Variants in PCDHGB6 observed in about 807,000 individuals in gnomAD.
PCDHGB6 encodes protocadherin gamma-B6.
In PCDHGB6, 51 loss-of-function variants were observed where a neutral mutation model predicts 59.1. That is an observed-to-expected ratio of 0.86 (90% CI 0.69 to 1.09). The LOEUF is 1.09. PCDHGB6 is among the 50% of genes least tolerant of loss of function. The pLI, the probability that PCDHGB6 is intolerant of heterozygous loss-of-function variation, is 0.00. For synonymous variants in PCDHGB6, 466 were observed against 495.1 expected (o/e 0.94, Z 0.78); for missense variants, 1,148 against 1,205.1 (o/e 0.95, Z 0.70).
In PCDHGB6 at chr5:141,477,556, T is replaced by C. The variant is rs2099412953; in HGVS notation, c.2419-17251T>C. On this transcript the variant is annotated intron_variant, in intron 1 of 3. Transcript: ENST00000520790. The surrounding 1 kb of genome is among the most constrained non-coding windows in gnomAD (Gnocchi z 4.9). The stretch of plus-strand genomic sequence containing the variant: ...CCGGGGCTCCAATACTAAACCTAAG[T>C]GTCTGGGACCCCGACGCCCCGCAGA... 6.2e-7 allele frequency: 1 copy of C among 1,614,164 alleles called. No homozygotes were observed. The highest frequency in any genetic ancestry group is 1.1e-5 in the South Asian group (1 of 91,086).
rs1317111249 is a variant in PCDHGB6, at chr5:141,413,333, C to A, written c.2418+2713C>A. 3.1e-6 allele frequency: 5 copies of A among 1,613,966 alleles called. No individual in the cohort carries two copies. The Admixed American group carries it at 6.7e-5, about 22-fold the overall frequency. On this transcript the variant is annotated intron_variant, in intron 1 of 3. Coordinates refer to ENST00000520790, the MANE Select transcript of PCDHGB6 (RefSeq NM_018926.3). ...AAAGGCTCTTTCGTGGGCAACATCTCCAAGGACTTGGGTCTGGCGCCCCGG... is the reference window on the plus strand; with the variant it reads ...AAAGGCTCTTTCGTGGGCAACATCTACAAGGACTTGGGTCTGGCGCCCCGG...
At position 141,502,665 on chromosome 5, in the gene PCDHGB6, A is replaced by G. The variant is rs192555506; in HGVS notation, c.2478-2728A>G. The stretch of plus-strand genomic sequence containing the variant: ...GAGATAGGCAGCAACCCTTCATGCA[A>G]TTTTAGTATTCCCTGATGATCCTTG... On this transcript the variant is annotated intron_variant, in intron 2 of 3. Transcript: ENST00000520790. 3.7e-3 allele frequency among the ~76,000 whole-genome samples: 568 copies of G among 152,330 alleles called. 1 individual carries two copies. Among genetic ancestry groups the G allele is most frequent in the African/African-American group, 0.013 (544 of 41,584 alleles).
rs972633773 is a variant in PCDHGB6, at chr5:141,489,751, A to T, written c.2419-5056A>T. ...GGGCACCAATACTGTGAGCTTTTAC[A>T]CTCTAAGCCCCAACAGCCACTTCTC... On this transcript the variant is annotated intron_variant, in intron 1 of 3. Coordinates refer to ENST00000520790, the MANE Select transcript of PCDHGB6 (RefSeq NM_018926.3). The surrounding 1 kb of genome is among the most constrained non-coding windows in gnomAD (Gnocchi z 4.5). The T allele has an allele frequency of 1.9e-6, 3 of 1,613,740 alleles. No individual in the cohort carries two copies. Among genetic ancestry groups the T allele is most frequent in the African/African-American group, 2.7e-5 (2 of 74,840 alleles).
At chr5:141,433,694 G>T (rs539494151) in intron 1 of PCDHGB6, among the ~76,000 whole-genome samples, 1 of 152,126 alleles carries the variant, frequency 6.6e-6, no homozygotes, top group South Asian at 2.1e-4. Flanking sequence ...AAAATTAGCC[G>T]GGCGTGGTGG....
chr5:141,422,338 A>C, intron 1 of PCDHGB6: 1 of 1,550,090 alleles, frequency 6.5e-7, no homozygotes, highest in Non-Finnish European at 8.7e-7. Flanking sequence ...TGCTCTTCTA[A>C]ATGTGCAAGA....
chr5:141,483,245 A>G (rs2099578786), intron 1 of PCDHGB6, among the ~76,000 whole-genome samples: 1 of 151,456 alleles, frequency 6.6e-6, no homozygotes, highest in Non-Finnish European at 1.5e-5. Flanking sequence ...TGATATGCAT[A>G]TATCATGAGG....
At chr5:141,423,744 A>G in intron 1 of PCDHGB6, 1 of 429,464 alleles carries the variant, frequency 2.3e-6, no homozygotes. Context: ...TGTTATGAAA[A>G]CTGTTTGGGG....
At chr5:141,418,189 G>A in intron 1 of PCDHGB6, 1 of 1,614,046 alleles carries the variant, frequency 6.2e-7, no homozygotes, top group Admixed American at 1.7e-5. Flanking sequence ...AAGCTGTGGT[G>A]GAAAATCCTT....
intron 1 of PCDHGB6, chr5:141,433,015 C>T (rs2154555449): frequency 2.5e-6 from 4 of 1,614,172 alleles, no homozygotes; most frequent in South Asian, 2.2e-5. Flanking sequence ...TCCTGCAGAC[C>T]TATTCCCACG....
chr5:141,415,502 A>AGCCC, intron 1 of PCDHGB6: 1 of 1,614,204 alleles, frequency 6.2e-7, no homozygotes, highest in South Asian at 1.1e-5. Flanking sequence ...ATCTTCCCCC[A>AGCCC]GCCCAATTAT....
At chr5:141,484,362 A>T (rs1460176695) in intron 1 of PCDHGB6, among the ~76,000 whole-genome samples, 1 of 152,196 alleles carries the variant, frequency 6.6e-6, no homozygotes, top group Non-Finnish European at 1.5e-5. Context: ...TATCTAGTGT[A>T]TCACTAGCAA....
intron 1 of PCDHGB6, chr5:141,419,522 C>T (rs781128524): frequency 1.5e-5 from 24 of 1,612,178 alleles, no homozygotes; most frequent in Non-Finnish European, 1.9e-5. Flanking sequence ...GGTGGGCGAC[C>T]GTAACGACAA....
At chr5:141,450,211 T>TTTCA (rs1038674129) in intron 1 of PCDHGB6, among the ~76,000 whole-genome samples, 23 of 152,166 alleles carry the variant, frequency 1.5e-4, no homozygotes, top group African/African-American at 4.3e-4. Flanking sequence ...AGAGACAAGG[T>TTTCA]TTCACTATGT....
At chr5:141,417,866 G>C (rs1299960512) in intron 1 of PCDHGB6, 1 of 1,552,408 alleles carries the variant, frequency 6.4e-7, no homozygotes, top group African/African-American at 1.4e-5. Context: ...AACGATGGGA[G>C]GGAGCTGCGC....
chr5:141,484,864 A>G, intron 1 of PCDHGB6: 1 of 263,722 alleles, frequency 3.8e-6, no homozygotes, highest in Non-Finnish European at 7.2e-6. Context: ...GGGGTGGGGG[A>G]GCGTGGAGGA....
intron 1 of PCDHGB6, among the ~76,000 whole-genome samples, chr5:141,484,419 A>G (rs978469951): frequency 1.3e-5 from 2 of 152,206 alleles, no homozygotes; most frequent in Non-Finnish European, 2.9e-5. Flanking sequence ...TCCTGTTACA[A>G]TGAGAACATG....
Position 141,485,448 on chromosome 5 carries a change from G to A in PCDHGB6, c.2419-9359G>A. On this transcript the variant is annotated intron_variant, in intron 1 of 3. Coordinates refer to ENST00000520790, the MANE Select transcript of PCDHGB6 (RefSeq NM_018926.3). This position sits in a 1 kb window ranked among gnomAD's most constrained non-coding sequence, Gnocchi z 5.7. ...CTGCTCATCAAGAACCCAATCGACC[G>A]AGAGGCACTGTGTGGGCTCAGTGCC... is the stretch of plus-strand genomic sequence containing the variant. 1 of 1,614,154 alleles carries A rather than the reference G, an allele frequency of 6.2e-7. No homozygotes were observed.
In PCDHGB6 at chr5:141,476,622, T is replaced by C. The variant is rs1480639256; in HGVS notation, c.2419-18185T>C. The C allele has an allele frequency of 6.2e-7, 1 of 1,614,238 alleles. No individual in the cohort carries two copies. The highest frequency in any genetic ancestry group is 2.2e-5 in the East Asian group (1 of 44,878). On this transcript the variant is annotated intron_variant, in intron 1 of 3. Transcript: ENST00000520790. This position sits in a 1 kb window ranked among gnomAD's most constrained non-coding sequence, Gnocchi z 7.6. ...GATCCCGATGTGGGAAGCAACTCTT[T>C]ACAAACCTATGAGCTGAGCCGAAAT...
intron 1 of PCDHGB6, among the ~76,000 whole-genome samples, chr5:141,455,138 T>C (rs1393664563): frequency 6.6e-6 from 1 of 151,028 alleles, no homozygotes; most frequent in Non-Finnish European, 1.5e-5. Context: ...TTACACTGTG[T>C]TAAATAAATA....
Sources: gnomAD v4.1 joint callset for allele counts (sites outside exome capture counted in the v4.1 genomes callset) on GRCh38, gnomAD v4.1.1 for gene constraint, Gnocchi (gnomAD v3.1) non-coding constraint, MANE v1.5 for transcripts, NCBI Gene and HGNC (gene_info 2026-07-23, HGNC 2026-07-21) for gene names.